The following HABP4 variants were observed in gnomAD, a reference collection of about 807,000 sequenced individuals.
HABP4 encodes the protein intracellular hyaluronan-binding protein 4.
In HABP4, 32 loss-of-function variants were observed where a neutral mutation model predicts 44.1. That is an observed-to-expected ratio of 0.73 (90% CI 0.55 to 0.97). HABP4 has a LOEUF of 0.97. Ranked by LOEUF, HABP4 falls within the 50% of genes least tolerant of loss-of-function variation. The probability of loss-of-function intolerance (pLI) is 0.00; values close to 1 mark genes in which losing one functional copy is unlikely to be tolerated. For missense variants in HABP4, 503 were observed against 561.9 expected (o/e 0.90, Z 1.06); for synonymous variants, 216 against 218.0 (o/e 0.99, Z 0.08).
intron 2 of HABP4, among the ~76,000 whole-genome samples, chr9:96,458,864 C>A (rs1470594739): frequency 6.6e-6 from 1 of 152,112 alleles, no homozygotes; most frequent in Admixed American, 6.5e-5. Flanking sequence ...TCAGGTGATC[C>A]ACCTGCCTTG....
rs978433680 is a variant in HABP4, at chr9:96,478,257, C to T, written c.828-6205C>T. ...AAGCGATTCTCTTGCCTCAGCCTCC[C>T]GAGTAGCTGGGATTACAGGCGCCCG... is the stretch of plus-strand genomic sequence containing the variant. On this transcript the variant is annotated intron_variant, in intron 5 of 7. Coordinates refer to ENST00000375249, the MANE Select transcript of HABP4 (RefSeq NM_014282.4). Among the ~76,000 whole-genome samples the T allele has an allele frequency of 8.6e-5, 13 of 151,814 alleles. 1 individual carries two copies. The South Asian group carries it at 1.5e-3, about 17-fold the overall frequency.
chr9:96,456,293 G>A (rs906888083), intron 1 of HABP4, among the ~76,000 whole-genome samples: 12 of 152,092 alleles, frequency 7.9e-5, no homozygotes, highest in Non-Finnish European at 1.6e-4. Flanking sequence ...TTTTATGTTA[G>A]TGATGTCATA....
chr9:96,485,335 G>A (rs1262828475), intron 6 of HABP4, among the ~76,000 whole-genome samples: 1 of 152,216 alleles, frequency 6.6e-6, no homozygotes, highest in East Asian at 1.9e-4. Flanking sequence ...ACAGGCGTGA[G>A]CCACTGCACC....
At chr9:96,474,955 A>G (rs1832757825) in intron 5 of HABP4, among the ~76,000 whole-genome samples, 1 of 152,208 alleles carries the variant, frequency 6.6e-6, no homozygotes, top group African/African-American at 2.4e-5. Context: ...ACTGATAATT[A>G]TATGTGCAAT....
chr9:96,478,843 C>T (rs1192472518), intron 5 of HABP4, among the ~76,000 whole-genome samples: 3 of 151,812 alleles, frequency 2.0e-5, no homozygotes, highest in Non-Finnish European at 4.4e-5. Context: ...GGTACCCAGG[C>T]TGGTCTCCAA....
chr9:96,488,471 C>A lies in HABP4; in HGVS notation c.1185+197C>A, dbSNP rs16910882. Among the ~76,000 whole-genome samples the A allele has an allele frequency of 6.6e-6, 1 of 152,164 alleles. No individual in the cohort carries two copies. The highest frequency in any genetic ancestry group is 2.4e-5 in the African/African-American group (1 of 41,414). ...CCTAGAGACCGTTCTGTAGCCCTGG[C>A]TTCCAGGGTCTGCTGTGAAGGCACT... On this transcript the variant is annotated intron_variant, in intron 7 of 7. Coordinates refer to ENST00000375249, the MANE Select transcript of HABP4 (RefSeq NM_014282.4). This position sits in a 1 kb window ranked among gnomAD's most constrained non-coding sequence, Gnocchi z 4.6.
rs1832247111 is a variant in HABP4, at chr9:96,450,427, C to T, written c.148C>T (p.Gln50Ter). The T allele has an allele frequency of 1.5e-6, 2 of 1,357,994 alleles. No individual in the cohort carries two copies. Among genetic ancestry groups the T allele is most frequent in the South Asian group, 1.7e-5 (1 of 60,108 alleles). The allele number at this position is 1,357,994 out of a possible 1,614,324, so 84.1% of individuals were successfully genotyped here. The change falls in exon 1 of 8, where the codon CAG (glutamine) becomes TAG (stop). Residue 50 changes from glutamine to a stop codon, truncating the protein, a stop_gained. Transcript: ENST00000375249. LOFTEE classifies it high-confidence loss of function. This position sits in a 1 kb window ranked among gnomAD's most constrained non-coding sequence, Gnocchi z 4.8. ...CCTGCGCGAGGCCGAGCGCCGGCGC[C>T]AGCAGCAGCTGCAGCGCAAGAGGCG... is the stretch of plus-strand genomic sequence containing the variant. ...DILREAERRR[Q>*]QQLQRKRRDE...
At chr9:96,454,873 G>C (rs1029924385) in intron 1 of HABP4, among the ~76,000 whole-genome samples, 1 of 152,196 alleles carries the variant, frequency 6.6e-6, no homozygotes, top group Non-Finnish European at 1.5e-5. Context: ...TCCCAGCACT[G>C]GGAGGCTAGG....
At chr9:96,487,666 A>G (rs970558053) in intron 6 of HABP4, among the ~76,000 whole-genome samples, 1 of 151,346 alleles carries the variant, frequency 6.6e-6, no homozygotes, top group African/African-American at 2.5e-5. Flanking sequence ...TTGTGAACAG[A>G]TAAGACAGAA....
In HABP4 at chr9:96,490,818, A is replaced by G. The variant is rs1047649594; in HGVS notation, c.*780A>G. 6.6e-6 allele frequency: 1 copy of G among 152,260 alleles called. No individual in the cohort carries two copies. Among genetic ancestry groups the G allele is most frequent in the African/African-American group, 2.4e-5 (1 of 41,472 alleles). 9.4% of individuals were successfully genotyped at this position (152,260 alleles called of 1,614,324 possible). A position where few individuals can be genotyped will look rare whatever the true frequency, so the allele number is the denominator to read the frequency against. On this transcript the variant is annotated 3_prime_UTR_variant, in exon 8 of 8. Transcript: ENST00000375249. ...CAAATACCGCATCCTTTTCTTCCGC[A>G]GAACTAGAGTCAGAGTTCGGCAGCT...
intron 1 of HABP4, among the ~76,000 whole-genome samples, chr9:96,454,599 G>A (rs1014635935): frequency 6.6e-6 from 1 of 152,018 alleles, no homozygotes; most frequent in Admixed American, 6.6e-5. Context: ...ACAGACGCCC[G>A]CCACCACGCC....
chr9:96,482,072 A>G (rs1427466466), intron 5 of HABP4, among the ~76,000 whole-genome samples: 4 of 151,800 alleles, frequency 2.6e-5, no homozygotes, highest in Admixed American at 1.3e-4. Context: ...AGTAGCTGGG[A>G]CTACAGGCAC....
intron 5 of HABP4, chr9:96,483,124 T>C (rs529153367): frequency 6.6e-6 from 1 of 152,344 alleles, no homozygotes; most frequent in South Asian, 2.1e-4. Flanking sequence ...GTATGTGGGT[T>C]CCAGTTTCTC....
chr9:96,473,654 C>T (rs1431495828), intron 5 of HABP4, among the ~76,000 whole-genome samples: 1 of 152,150 alleles, frequency 6.6e-6, no homozygotes, highest in African/African-American at 2.4e-5. Flanking sequence ...CCTGCAAAAC[C>T]CTCAAGTTCA....
Position 96,484,509 on chromosome 9 carries a change from CT to C in HABP4, c.878del (p.Leu293Ter). 6.3e-7 allele frequency: 1 copy of C among 1,580,222 alleles called. No homozygotes were observed. The highest frequency in any genetic ancestry group is 8.7e-7 in the Non-Finnish European group (1 of 1,149,178). ...VEEETQVQEM[T>X]LDEWKNLQEQ... ...GAAGAAACCCAAGTTCAAGAGATGA[CT>C]TTAGATGAGTGGAAAAATCTTCAAG... On this transcript the variant is annotated frameshift_variant, in exon 6 of 8. Transcript: ENST00000375249. LOFTEE classifies it high-confidence loss of function.
chr9:96,460,982 G>A (rs960494357), intron 2 of HABP4, among the ~76,000 whole-genome samples: 9 of 152,046 alleles, frequency 5.9e-5, no homozygotes, highest in African/African-American at 2.2e-4. Flanking sequence ...CAAGCAAAAG[G>A]AAGGAAAATA....
intron 1 of HABP4, among the ~76,000 whole-genome samples, chr9:96,451,998 C>T (rs1020104948): frequency 1.3e-5 from 2 of 152,042 alleles, no homozygotes; most frequent in Admixed American, 6.6e-5. Flanking sequence ...GAGTCCGAGG[C>T]GGGCGGATCA....
At chr9:96,456,773 AAAAAAAAATAT>A (rs1193200471) in intron 1 of HABP4, among the ~76,000 whole-genome samples, 41 of 69,232 alleles carry the variant, frequency 5.9e-4, no homozygotes, top group Non-Finnish European at 8.6e-4. Context: ...AAAAAAAAAA[AAAAAAAAATAT>A]ATATATATAT....
intron 2 of HABP4, among the ~76,000 whole-genome samples, chr9:96,461,788 A>C (rs1234705520): frequency 6.6e-6 from 1 of 152,194 alleles, no homozygotes; most frequent in Non-Finnish European, 1.5e-5. Context: ...AAAGAAACTC[A>C]AGGTGACACC....
Sources: allele counts gnomAD v4.1 joint callset (sites outside exome capture counted in the v4.1 genomes callset), GRCh38; gene constraint gnomAD v4.1.1; non-coding constraint Gnocchi (gnomAD v3.1); transcripts MANE v1.5; gene names NCBI Gene and HGNC (gene_info 2026-07-23, HGNC 2026-07-21).